Variants in CALN1 observed in about 807,000 individuals in gnomAD.
CALN1 encodes the protein calcium-binding protein 8.
Under a neutral mutation model 30.6 loss-of-function variants are expected in CALN1, and 17 were observed. The ratio of observed to expected loss-of-function variants is 0.56; its 90% CI spans 0.38 to 0.83. CALN1 has a LOEUF of 0.83. Ranked by LOEUF, CALN1 falls within the 40% of genes least tolerant of loss-of-function variation. The pLI, the probability that CALN1 is intolerant of heterozygous loss-of-function variation, is 0.00. For missense variants in CALN1, 291 were observed against 354.9 expected (o/e 0.82, Z 1.45); for synonymous variants, 156 against 131.4 (o/e 1.19, Z -1.28).
intron 2 of CALN1, among the ~76,000 whole-genome samples, chr7:72,287,985 T>C (rs958227450): frequency 6.6e-6 from 1 of 152,134 alleles, no homozygotes; most frequent in African/African-American, 2.4e-5. Context: ...ATATAATAGT[T>C]ATTTATTGGT....
chr7:71,972,262 G>A (rs964294120), intron 5 of CALN1, among the ~76,000 whole-genome samples: 2 of 152,116 alleles, frequency 1.3e-5, no homozygotes, highest in Admixed American at 1.3e-4. Context: ...ACACCCCACA[G>A]GATTTTTCAA....
At chr7:71,882,850 T>TTGTGTGTGTGTGTGTG (rs34870061) in intron 5 of CALN1, among the ~76,000 whole-genome samples, 84 of 131,022 alleles carry the variant, frequency 6.4e-4, no homozygotes, top group African/African-American at 2.3e-3. Context: ...CCCATCTAAT[T>TTGTGTGTGTGTGTGTG]TGTGTGTGTG....
At chr7:72,275,123 C>G (rs569946974) in intron 3 of CALN1, among the ~76,000 whole-genome samples, 1 of 152,138 alleles carries the variant, frequency 6.6e-6, no homozygotes, top group South Asian at 2.1e-4. Context: ...GCTGCAGTGG[C>G]TGCAGGGTGG....
intron 4 of CALN1, among the ~76,000 whole-genome samples, chr7:72,032,315 G>C (rs1211171780): frequency 6.6e-6 from 1 of 152,074 alleles, no homozygotes; most frequent in Non-Finnish European, 1.5e-5. Context: ...CAAAGTGCTG[G>C]GATTACAGGC....
At chr7:71,819,301 C>T (rs11495965) in intron 5 of CALN1, among the ~76,000 whole-genome samples, 27,174 of 151,230 alleles carry the variant, frequency 0.18, 3,625 homozygotes, top group East Asian at 0.6. Context: ...CTCCACCTTC[C>T]GGTTTCAAGC....
Position 72,023,666 on chromosome 7 carries a change from T to C in CALN1, c.492A>G (p.Ile164Met). The C allele has an allele frequency of 1.2e-6, 2 of 1,613,124 alleles. No homozygotes were observed. Among genetic ancestry groups the C allele is most frequent in the African/African-American group, 1.3e-5 (1 of 75,004 alleles). Residue 164 changes from isoleucine to methionine, a missense_variant, in exon 5 of 7, where the codon ATA becomes ATG. By Grantham distance (10) the Ile-to-Met change is conservative. Around this residue, in one of 2 missense-constraint regions of CALN1, gnomAD observed 169 missense variants for 251.7 expected, o/e 0.67. Coordinates refer to ENST00000395275, the MANE Select transcript of CALN1 (RefSeq NM_031468.4). The stretch of plus-strand genomic sequence containing the variant: ...AAATATTCTTACTCACCTGCCAGAA[T>C]ATGCTGTCTATCGTGTTCCCAAGAA... ...DGFLGNTIDSIFWQFDMQRIT... is the reference protein window; with the variant it reads ...DGFLGNTIDSMFWQFDMQRIT...
the CALN1 span, among the ~76,000 whole-genome samples, chr7:72,501,363 T>A: frequency 2.7e-5 from 2 of 73,978 alleles, no homozygotes; most frequent in Admixed American, 2.4e-4. Context: ...TGAGGCCACG[T>A]CTCTATTAAA....
chr7:71,972,482 A>C (rs1163243745), intron 5 of CALN1, among the ~76,000 whole-genome samples: 1 of 152,156 alleles, frequency 6.6e-6, no homozygotes, highest in Non-Finnish European at 1.5e-5. Context: ...CTGCTAAGAG[A>C]GCGTGCAATA....
At chr7:72,289,715 T>C (rs879910395) in intron 2 of CALN1, among the ~76,000 whole-genome samples, 17 of 151,908 alleles carry the variant, frequency 1.1e-4, no homozygotes, top group Non-Finnish European at 2.1e-4. Flanking sequence ...TGTAGCAAAA[T>C]GATTAGGAAG....
At chr7:72,474,983 C>T in the CALN1 span, among the ~76,000 whole-genome samples, 1 of 152,038 alleles carries the variant, frequency 6.6e-6, no homozygotes. Flanking sequence ...AGTACTTTGT[C>T]CCCCCCAAGC....
chr7:71,949,044 TAAAA>T (rs34370568), intron 5 of CALN1, among the ~76,000 whole-genome samples: 82 of 66,920 alleles, frequency 1.2e-3, no homozygotes, highest in South Asian at 4.3e-3. Context: ...CTCTGTCTCT[TAAAA>T]AAAAAAAAAA....
chr7:71,868,758 T>A (rs879653538), intron 5 of CALN1, among the ~76,000 whole-genome samples: 1 of 151,824 alleles, frequency 6.6e-6, no homozygotes, highest in Non-Finnish European at 1.5e-5. Flanking sequence ...ACCTCCAACA[T>A]TGGGGATGAT....
chr7:71,804,923 T>C (rs1361659071), intron 6 of CALN1, among the ~76,000 whole-genome samples: 2 of 152,106 alleles, frequency 1.3e-5, no homozygotes, highest in Non-Finnish European at 2.9e-5. Context: ...GACCATGCCA[T>C]TGCACTGGGC....
intron 3 of CALN1, among the ~76,000 whole-genome samples, chr7:72,171,070 T>C (rs561467718): frequency 8.8e-4 from 134 of 152,226 alleles, no homozygotes; most frequent in Non-Finnish European, 1.6e-3. Flanking sequence ...GGTGGGAGGA[T>C]AGCTTGAGCC....
chr7:71,814,790 T>C (rs1389847849), intron 5 of CALN1, among the ~76,000 whole-genome samples: 1 of 152,168 alleles, frequency 6.6e-6, no homozygotes, highest in Non-Finnish European at 1.5e-5. Flanking sequence ...ATTGTAAGAA[T>C]GCAGTGTACA....
At chr7:72,104,093 T>C (rs765018967) in intron 4 of CALN1, 1 of 153,390 alleles carries the variant, frequency 6.5e-6, no homozygotes, top group Non-Finnish European at 1.5e-5. Context: ...CTAGGAAATG[T>C]GTGTCTGTGG....
At chr7:71,964,435 C>A (rs932535612) in intron 5 of CALN1, among the ~76,000 whole-genome samples, 4 of 152,170 alleles carry the variant, frequency 2.6e-5, no homozygotes, top group African/African-American at 9.7e-5. Flanking sequence ...CTGCTTATCG[C>A]AAGGACAGAG....
intron 2 of CALN1, among the ~76,000 whole-genome samples, chr7:72,286,008 A>G (rs564829765): frequency 3.9e-5 from 6 of 152,234 alleles, no homozygotes; most frequent in Non-Finnish European, 5.9e-5. Flanking sequence ...CAAAATAATG[A>G]TATTCTCAAC....
At chr7:72,366,789 G>A (rs1585591137) in intron 2 of CALN1, among the ~76,000 whole-genome samples, 2 of 151,648 alleles carry the variant, frequency 1.3e-5, no homozygotes, top group East Asian at 3.9e-4. Context: ...TAAATTGCAT[G>A]TATATGACCT....
Sources: gnomAD v4.1 joint callset for allele counts (sites outside exome capture counted in the v4.1 genomes callset) on GRCh38, gnomAD v4.1.1 for gene constraint, gnomAD v4.1.1 regional missense constraint, MANE v1.5 for transcripts, NCBI Gene and HGNC (gene_info 2026-07-23, HGNC 2026-07-21) for gene names.